GMPR: variants seen among roughly 807,000 people sequenced by gnomAD.
The protein encoded by GMPR is GMP reductase 1.
In GMPR, 31 loss-of-function variants were observed where a neutral mutation model predicts 38.4. The ratio of observed to expected loss-of-function variants is 0.81; its 90% CI spans 0.61 to 1.09. The LOEUF is 1.09. Ranked by LOEUF, GMPR falls within the 50% of genes least tolerant of loss-of-function variation. The pLI, the probability that GMPR is intolerant of heterozygous loss-of-function variation, is 0.00. For missense variants in GMPR, 468 were observed against 453.7 expected (o/e 1.03, Z -0.29); for synonymous variants, 162 against 173.3 (o/e 0.93, Z 0.51).
chr6:16,253,950 G>A (rs945036636), intron 3 of GMPR, among the ~76,000 whole-genome samples: 4 of 151,518 alleles, frequency 2.6e-5, no homozygotes, highest in South Asian at 2.1e-4. Flanking sequence ...GGGGTTTGGC[G>A]GACGGAACCT....
At chr6:16,260,832 C>T (rs1759069572) in intron 4 of GMPR, among the ~76,000 whole-genome samples, 2 of 151,784 alleles carry the variant, frequency 1.3e-5, no homozygotes, top group African/African-American at 4.8e-5. Context: ...GAGATACAGT[C>T]ATGGGGGTCA....
chr6:16,255,578 A>T (rs9383141), intron 4 of GMPR, among the ~76,000 whole-genome samples: 5,176 of 152,166 alleles, frequency 0.034, 233 homozygotes, highest in African/African-American at 0.11. Flanking sequence ...AATTATCTGC[A>T]CCTTACCTAG....
chr6:16,295,203 G>T lies in GMPR; in HGVS notation c.*17G>T. On this transcript the variant is annotated 3_prime_UTR_variant, in exon 9 of 9. Transcript: ENST00000259727. ...TTCAGCTAACCCTGGGGACAAAGCA[G>T]CGTCTGGCTCGAGTGGAAGCGTCCA... is the stretch of plus-strand genomic sequence containing the variant. 6.7e-7 allele frequency: 1 copy of T among 1,487,858 alleles called. No homozygotes were observed. Among genetic ancestry groups the T allele is most frequent in the Non-Finnish European group, 8.9e-7 (1 of 1,124,014 alleles). The allele number at this position is 1,487,858 out of a possible 1,614,324, so 92.2% of individuals were successfully genotyped here.
intron 6 of GMPR, among the ~76,000 whole-genome samples, chr6:16,281,291 T>C (rs1312039478): frequency 1.3e-5 from 2 of 152,132 alleles, no homozygotes; most frequent in Admixed American, 6.5e-5. Flanking sequence ...CACTGGCTTA[T>C]AGAGTAGAGG....
chr6:16,274,648 C>T (rs1300910139), intron 5 of GMPR, 152 bp downstream of exon 5: 17 of 587,040 alleles, frequency 2.9e-5, no homozygotes, highest in South Asian at 2.0e-4. Context: ...TTGAGCTTCT[C>T]GGGGAAGCCC....
At chr6:16,266,037 A>G (rs1245848231) in intron 4 of GMPR, among the ~76,000 whole-genome samples, 2 of 152,100 alleles carry the variant, frequency 1.3e-5, no homozygotes, top group Non-Finnish European at 2.9e-5. Flanking sequence ...TGCTGAAGTC[A>G]GTGAGACCAC....
intron 1 of GMPR, among the ~76,000 whole-genome samples, chr6:16,240,160 T>G (rs2113663939): frequency 6.6e-6 from 1 of 152,360 alleles, no homozygotes; most frequent in East Asian, 1.9e-4. Flanking sequence ...AAACTCATTT[T>G]TCAGAAAATT....
chr6:16,267,315 T>G (rs569859830), intron 4 of GMPR, among the ~76,000 whole-genome samples: 19 of 151,628 alleles, frequency 1.3e-4, no homozygotes, highest in Admixed American at 2.6e-4. Context: ...GAGCTTGCAG[T>G]GAGCCGAGAT....
intron 6 of GMPR, among the ~76,000 whole-genome samples, chr6:16,281,096 C>T (rs1759563309): frequency 6.6e-6 from 1 of 152,190 alleles, no homozygotes; most frequent in South Asian, 2.1e-4. Flanking sequence ...TATAGTGTAT[C>T]TCAGCAGTTC....
chr6:16,265,703 CA>C (rs1378816027), intron 4 of GMPR, among the ~76,000 whole-genome samples: 6 of 152,202 alleles, frequency 3.9e-5, no homozygotes, highest in Non-Finnish European at 5.9e-5. Context: ...TCTGTAAAAA[CA>C]CACCACTCCG....
In GMPR at chr6:16,280,289, A is replaced by G. The variant is rs541778021; in HGVS notation, c.654+1399A>G. Among the ~76,000 whole-genome samples, 4 of 152,312 alleles carry G rather than the reference A, an allele frequency of 2.6e-5. No homozygotes were observed. In the South Asian group the frequency reaches 8.3e-4, roughly 32 times the overall value. On this transcript the variant is annotated intron_variant, in intron 6 of 8. Coordinates refer to ENST00000259727, the MANE Select transcript of GMPR (RefSeq NM_006877.4). ...TCTTGGGAATGGTGCTCAGGTAACA[A>G]CTGAAGCTAGGATCAAGGTCTTTCA... is the stretch of plus-strand genomic sequence containing the variant.
intron 4 of GMPR, among the ~76,000 whole-genome samples, chr6:16,266,226 GC>G (rs1270927990): frequency 6.6e-6 from 1 of 151,114 alleles, no homozygotes; most frequent in African/African-American, 2.4e-5. Flanking sequence ...AATGAAGAAC[GC>G]CGCGCGCACC....
At chr6:16,253,862 C>G (rs565811580) in intron 3 of GMPR, among the ~76,000 whole-genome samples, 1 of 152,272 alleles carries the variant, frequency 6.6e-6, no homozygotes, top group East Asian at 1.9e-4. Context: ...TTGGTTCTTG[C>G]TTATTGTCCT....
intron 4 of GMPR, among the ~76,000 whole-genome samples, chr6:16,264,138 G>A (rs1759144135): frequency 6.6e-6 from 1 of 151,914 alleles, no homozygotes; most frequent in South Asian, 2.1e-4. Flanking sequence ...TAAACACCAA[G>A]GGAAGGCTGC....
chr6:16,273,520 T>TTG (rs1431745998), intron 4 of GMPR, among the ~76,000 whole-genome samples: 2 of 152,192 alleles, frequency 1.3e-5, no homozygotes, highest in African/African-American at 2.4e-5. Context: ...TCCTGGAGGC[T>TTG]TGTGTGTTCT....
At position 16,266,304 on chromosome 6, in the gene GMPR, T is replaced by G. The variant is rs1483103414; in HGVS notation, c.466-8111T>G. ...TCATTCCTGAAGTCAGTGTAGACCATGAACCCACGAGGAGGAACGAACAAC... is the reference window on the plus strand; with the variant it reads ...TCATTCCTGAAGTCAGTGTAGACCAGGAACCCACGAGGAGGAACGAACAAC... On this transcript the variant is annotated intron_variant, in intron 4 of 8. Transcript: ENST00000259727. Among the ~76,000 whole-genome samples the G allele has an allele frequency of 1.0e-3, 152 of 150,008 alleles. 11 individuals carry two copies. Among genetic ancestry groups the G allele is most frequent in the Non-Finnish European group, 4.4e-5 (3 of 67,676 alleles).
At chr6:16,243,257 G>A (rs1216926846) in intron 1 of GMPR, among the ~76,000 whole-genome samples, 1 of 152,212 alleles carries the variant, frequency 6.6e-6, no homozygotes, top group South Asian at 2.1e-4. Flanking sequence ...GCTGGAGCAC[G>A]AGTATTTTGG....
chr6:16,258,683 A>G (rs1206797733), intron 4 of GMPR, among the ~76,000 whole-genome samples: 1 of 152,220 alleles, frequency 6.6e-6, no homozygotes, highest in South Asian at 2.1e-4. Context: ...CTGTGCCTGC[A>G]TTGACCCTTG....
intron 4 of GMPR, among the ~76,000 whole-genome samples, chr6:16,268,711 A>G (rs1212988241): frequency 6.6e-6 from 1 of 152,210 alleles, no homozygotes; most frequent in African/African-American, 2.4e-5. Flanking sequence ...AGGACCCCAG[A>G]AAAACCAGTA....
Sources: allele counts gnomAD v4.1 joint callset (sites outside exome capture counted in the v4.1 genomes callset), GRCh38; gene constraint gnomAD v4.1.1; transcripts MANE v1.5; gene names NCBI Gene and HGNC (gene_info 2026-07-23, HGNC 2026-07-21).